Variants in TTC1 observed in about 807,000 individuals in gnomAD.
TTC1 encodes tetratricopeptide repeat domain 1.
In TTC1, 31 loss-of-function variants were observed where a neutral mutation model predicts 37.6. The observed-to-expected ratio is 0.82, with a 90% CI of 0.62 to 1.11. TTC1 has a LOEUF of 1.11. Among genes scored for constraint, TTC1 ranks in the 50% most tolerant of loss-of-function variants. The probability of loss-of-function intolerance (pLI) is 0.00; values close to 1 mark genes in which losing one functional copy is unlikely to be tolerated. For missense variants in TTC1, 351 were observed against 339.0 expected (o/e 1.04, Z -0.28); for synonymous variants, 127 against 122.4 (o/e 1.04, Z -0.25).
chr5:160,023,851 A>G (rs917734008), intron 2 of TTC1: 8 of 1,612,846 alleles, frequency 5.0e-6, no homozygotes, highest in African/African-American at 2.7e-5. Context: ...ATGACTTCCA[A>G]TTCTTTTTCT....
intron 2 of TTC1, among the ~76,000 whole-genome samples, chr5:160,028,894 A>G (rs1756857613): frequency 6.6e-6 from 1 of 152,156 alleles, no homozygotes; most frequent in Admixed American, 6.5e-5. Context: ...AAAAAATCAG[A>G]AAAGATGAGA....
At chr5:160,052,391 ATGGGAGGATCACT>A (rs67779809) in intron 7 of TTC1, among the ~76,000 whole-genome samples, 19,568 of 151,788 alleles carry the variant, frequency 0.13, 1,647 homozygotes, top group Non-Finnish European at 0.18. Flanking sequence ...TCCCAGCTAC[ATGGGAGGATCACT>A]TGAGCCCAAG....
At chr5:160,036,969 C>T (rs974073175) in intron 4 of TTC1, among the ~76,000 whole-genome samples, 166 bp downstream of exon 4, 5 of 152,116 alleles carry the variant, frequency 3.3e-5, no homozygotes, top group Admixed American at 6.6e-5. Flanking sequence ...TTTTGAAAAA[C>T]TTGAGTCAGA....
intron 2 of TTC1, 114 bp downstream of exon 2, chr5:160,010,972 C>T: frequency 1.0e-6 from 1 of 986,272 alleles, no homozygotes; most frequent in East Asian, 2.6e-5. Context: ...GCCCCTTTGT[C>T]TTCTTATGGC....
rs139558651 is a variant in TTC1, at chr5:160,063,163, G to A, written c.746-1769G>A. Among the ~76,000 whole-genome samples the A allele has an allele frequency of 5.8e-4, 88 of 152,292 alleles. 1 individual carries two copies. The highest frequency in any genetic ancestry group is 2.0e-3 in the African/African-American group (84 of 41,556). On this transcript the variant is annotated intron_variant, in intron 7 of 7. Coordinates refer to ENST00000231238, the MANE Select transcript of TTC1 (RefSeq NM_003314.3). The stretch of plus-strand genomic sequence containing the variant: ...CTCTGGACATAGTGAGCTTCCTTGG[G>A]CTAGTTCTTAAGCCTGAGACTAAAA...
At chr5:160,017,883 A>G (rs890680774) in intron 2 of TTC1, among the ~76,000 whole-genome samples, 1 of 152,130 alleles carries the variant, frequency 6.6e-6, no homozygotes, top group African/African-American at 2.4e-5. Flanking sequence ...CCCACTAGAC[A>G]TTGTTTGAGG....
Position 160,024,012 on chromosome 5 carries a change from C to G in TTC1, c.331-11128C>G, listed in dbSNP as rs1008399548. ...ATGAAACAATCTTTTGCAAAGTGGCCTTTACAGCCACACTTCTTGCAGGTA... is the reference window on the plus strand; with the variant it reads ...ATGAAACAATCTTTTGCAAAGTGGCGTTTACAGCCACACTTCTTGCAGGTA... On this transcript the variant is annotated intron_variant, in intron 2 of 7. Coordinates refer to ENST00000231238, the MANE Select transcript of TTC1 (RefSeq NM_003314.3). 23 of 1,462,796 alleles carry G rather than the reference C, an allele frequency of 1.6e-5. No homozygotes were observed. The South Asian group carries it at 2.5e-4, about 16-fold the overall frequency. The allele number at this position is 1,462,796 out of a possible 1,614,324, so 90.6% of individuals were successfully genotyped here.
intron 7 of TTC1, among the ~76,000 whole-genome samples, chr5:160,052,385 A>G (rs1757423727): frequency 6.8e-6 from 1 of 147,208 alleles, no homozygotes; most frequent in African/African-American, 2.4e-5. Flanking sequence ...CCATAGTCCC[A>G]GCTACATGGG....
At chr5:160,014,078 C>T (rs192715954) in intron 2 of TTC1, among the ~76,000 whole-genome samples, 10 of 152,184 alleles carry the variant, frequency 6.6e-5, no homozygotes, top group Admixed American at 4.6e-4. Flanking sequence ...AATAGTCATA[C>T]GGGATGGCTC....
intron 2 of TTC1, among the ~76,000 whole-genome samples, chr5:160,018,086 G>A (rs1417280461): frequency 6.6e-6 from 1 of 152,110 alleles, no homozygotes; most frequent in Non-Finnish European, 1.5e-5. Context: ...AAGGTGATTA[G>A]AAGAATTAGT....
intron 1 of TTC1, 28 bp from the exon 2 acceptor site, chr5:160,010,472 A>G (rs1013399538): frequency 2.1e-6 from 3 of 1,454,330 alleles, no homozygotes; most frequent in Non-Finnish European, 2.8e-6. Flanking sequence ...GCACCATTAT[A>G]TAGCAGTTTT....
intron 2 of TTC1, among the ~76,000 whole-genome samples, chr5:160,033,644 T>A (rs868272576): frequency 6.6e-6 from 1 of 152,128 alleles, no homozygotes; most frequent in South Asian, 2.1e-4. Flanking sequence ...TGGCGGAAAG[T>A]GAAGAGAAAG....
At chr5:160,011,186 C>T (rs984188558) in intron 2 of TTC1, among the ~76,000 whole-genome samples, 18 of 152,094 alleles carry the variant, frequency 1.2e-4, no homozygotes, top group Admixed American at 4.6e-4. Context: ...AACTTTTCTA[C>T]GGTTGGCTGC....
chr5:160,021,023 A>G (rs1379782343), intron 2 of TTC1, among the ~76,000 whole-genome samples: 2 of 152,210 alleles, frequency 1.3e-5, no homozygotes, highest in African/African-American at 2.4e-5. Flanking sequence ...GTGTGTTTAC[A>G]TTATTTGCTG....
chr5:160,016,446 G>A (rs1301676455), intron 2 of TTC1, among the ~76,000 whole-genome samples: 3 of 152,122 alleles, frequency 2.0e-5, no homozygotes, highest in East Asian at 1.9e-4. Context: ...CTGGGAAGCT[G>A]CCTGTAATAT....
chr5:160,035,918 A>C (rs1345261556), intron 3 of TTC1, among the ~76,000 whole-genome samples: 3 of 151,284 alleles, frequency 2.0e-5, no homozygotes, highest in African/African-American at 7.3e-5. Context: ...TTGTTTTCCA[A>C]AAGTTACCCT....
chr5:160,030,643 G>A (rs771159421), intron 2 of TTC1, among the ~76,000 whole-genome samples: 1 of 152,128 alleles, frequency 6.6e-6, no homozygotes, highest in African/African-American at 2.4e-5. Flanking sequence ...GGCTGTTTGG[G>A]GCTCTCCTTG....
At chr5:160,027,899 A>T (rs987628523) in intron 2 of TTC1, among the ~76,000 whole-genome samples, 3 of 151,774 alleles carry the variant, frequency 2.0e-5, no homozygotes, top group Non-Finnish European at 4.4e-5. Flanking sequence ...TTCTCTCACC[A>T]CTCTGATACT....
intron 7 of TTC1, among the ~76,000 whole-genome samples, chr5:160,053,691 A>G (rs74865259): frequency 0.02 from 3,007 of 152,292 alleles, 149 homozygotes; most frequent in South Asian, 0.17. Context: ...GGATTTTTCT[A>G]TTTCTGTGAA....
Sources: allele counts gnomAD v4.1 joint callset (sites outside exome capture counted in the v4.1 genomes callset), GRCh38; gene constraint gnomAD v4.1.1; transcripts MANE v1.5; gene names NCBI Gene and HGNC (gene_info 2026-07-23, HGNC 2026-07-21).